SGSM2: variants seen among roughly 807,000 people sequenced by gnomAD.
SGSM2 encodes small G protein signaling modulator 2, also known as RUN and TBC1 domain containing 1.
SGSM2 carries 89 observed loss-of-function variants against 126.6 expected under a neutral mutation model. The ratio of observed to expected loss-of-function variants is 0.70; its 90% CI spans 0.59 to 0.84. SGSM2 has a LOEUF of 0.84. Among genes scored for constraint, SGSM2 ranks in the 40% least tolerant of loss-of-function variants. The pLI, the probability that SGSM2 is intolerant of heterozygous loss-of-function variation, is 0.00. For missense variants in SGSM2, 1,404 were observed against 1,416.6 expected (o/e 0.99, Z 0.14); for synonymous variants, 614 against 574.3 (o/e 1.07, Z -0.99).
chr17:2,361,163 T>C (rs1446550562), intron 2 of SGSM2, among the ~76,000 whole-genome samples: 1 of 152,216 alleles, frequency 6.6e-6, no homozygotes, highest in African/African-American at 2.4e-5. Flanking sequence ...GGCTCATCAG[T>C]CCAGCGGCCA....
At chr17:2,366,035 G>A (rs912329731) in intron 11 of SGSM2, among the ~76,000 whole-genome samples, 15 of 152,122 alleles carry the variant, frequency 9.9e-5, no homozygotes, top group Middle Eastern at 3.2e-3. Context: ...TGACCACTGC[G>A]CCCGGCCCAG....
chr17:2,360,594 C>A (rs959907531), intron 2 of SGSM2, among the ~76,000 whole-genome samples: 2 of 152,236 alleles, frequency 1.3e-5, no homozygotes, highest in Non-Finnish European at 2.9e-5. Flanking sequence ...TCACATCCTC[C>A]GTCTCATGTG....
At chr17:2,351,396 A>T (rs2064846401) in intron 2 of SGSM2, among the ~76,000 whole-genome samples, 1 of 152,162 alleles carries the variant, frequency 6.6e-6, no homozygotes, top group South Asian at 2.1e-4. Flanking sequence ...GTTGGCCCTC[A>T]TGCAGACGAA....
chr17:2,340,714 A>G (rs1250151836), intron 1 of SGSM2, among the ~76,000 whole-genome samples: 1 of 151,652 alleles, frequency 6.6e-6, no homozygotes, highest in African/African-American at 2.4e-5. Flanking sequence ...CCTTCTGAGT[A>G]GCTGGGACTA....
intron 2 of SGSM2, among the ~76,000 whole-genome samples, chr17:2,349,096 C>G (rs2064733217): frequency 6.6e-6 from 1 of 151,732 alleles, no homozygotes; most frequent in African/African-American, 2.4e-5. Context: ...GGAGCATAGG[C>G]CGGGCACAGT....
chr17:2,377,956 A>G lies in SGSM2; in HGVS notation c.2899+3A>G, dbSNP rs755132961. On this transcript the variant is annotated splice_donor_region_variant and intron_variant, in intron 22 of 23. Transcript: ENST00000268989. Reference sequence around the variant, plus strand: ...GTTCCTGCTGGATTTTAAGAGAGGTAAGAAGTGGGTTGGATCATGGGGCTG... The same window carrying G: ...GTTCCTGCTGGATTTTAAGAGAGGTGAGAAGTGGGTTGGATCATGGGGCTG... 2 of 1,590,960 alleles carry G rather than the reference A, an allele frequency of 1.3e-6. No homozygotes were observed. The highest frequency in any genetic ancestry group is 2.2e-5 in the South Asian group (2 of 90,612).
In SGSM2 at chr17:2,365,309, G is replaced by A. The variant is rs758033392; in HGVS notation, c.1256G>A (p.Arg419Gln). The change falls in exon 11 of 24, where the codon CGG becomes CAG. Residue 419 changes from arginine to glutamine, a missense_variant. Physicochemically the swap from Arg to Gln is conservative, Grantham distance 43 (BLOSUM62 1). Coordinates refer to ENST00000268989, the MANE Select transcript of SGSM2 (RefSeq NM_014853.3). The stretch of plus-strand genomic sequence containing the variant: ...GGGCGGGCCACCGACTATGTGTTCC[G>A]GATCATCTACCCCGGCCACAGGCAC... ...GTGRATDYVF[R>Q]IIYPGHRHEH... 7.6e-6 allele frequency: 12 copies of A among 1,579,146 alleles called. No homozygotes were observed. In the Admixed American group the frequency reaches 1.1e-4, roughly 14 times the overall value.
In SGSM2 at chr17:2,362,838, C is replaced by T. The variant is rs1468108602; in HGVS notation, c.459C>T (p.Ser153=). The T allele has an allele frequency of 6.2e-7, 1 of 1,614,020 alleles. No individual in the cohort carries two copies. The highest frequency in any genetic ancestry group is 1.3e-5 in the African/African-American group (1 of 75,068). Reference sequence around the variant, plus strand: ...AGTCACACTGTCTGTCTCCTGGCAGCAAGTACTACGAGAAGGAGGCACTGC... The same window carrying T: ...AGTCACACTGTCTGTCTCCTGGCAGTAAGTACTACGAGAAGGAGGCACTGC... ...KVVQYLAENC[S]KYYEKEALLA... is the part of the protein sequence containing the mutation. The change falls in exon 5 of 24, where the codon AGC becomes AGT. Residue 153 remains serine (S), a splice_region_variant and synonymous_variant. Coordinates refer to ENST00000268989, the MANE Select transcript of SGSM2 (RefSeq NM_014853.3). The surrounding 1 kb of genome is among the most constrained non-coding windows in gnomAD (Gnocchi z 4.9).
rs147929881 is a variant in SGSM2 at position 2,364,617 on chromosome 17, C to T, written c.954C>T (p.Leu318=). The T allele has an allele frequency of 1.4e-4, 231 of 1,614,182 alleles. No individual in the cohort carries two copies. The East Asian group carries it at 4.0e-3, about 28-fold the overall frequency. Residue 318 remains leucine (L), a synonymous_variant, in exon 9 of 24, where the codon CTC becomes CTT. Transcript: ENST00000268989. ...LEKSVYWDYA[L]VVPFSQVVCI... ...CTAGCGTTTACTGGGACTATGCCCT[C>T]GTGGTGCCCTTCAGCCAGGTCGTGT...
chr17:2,373,628 G>A, intron 17 of SGSM2, 115 bp downstream of exon 17: 1 of 890,304 alleles, frequency 1.1e-6, no homozygotes, highest in Non-Finnish European at 1.7e-6. Flanking sequence ...TGCGAGAAAG[G>A]CCTAAGGTGC....
intron 8 of SGSM2, 169 bp downstream of exon 8, chr17:2,364,352 C>A: frequency 2.1e-6 from 2 of 949,762 alleles, no homozygotes; most frequent in Non-Finnish European, 3.1e-6. Context: ...CTCTCTAGGA[C>A]GGAGCCAAGC....
chr17:2,338,064 C>A (rs1388345235), intron 1 of SGSM2, among the ~76,000 whole-genome samples: 1 of 152,022 alleles, frequency 6.6e-6, no homozygotes, highest in East Asian at 1.9e-4. Flanking sequence ...GGATCCGGAG[C>A]TGCCCATTCA....
At chr17:2,345,595 C>CAAAAA (rs1228278801) in intron 2 of SGSM2, among the ~76,000 whole-genome samples, 1 of 84,210 alleles carries the variant, frequency 1.2e-5, no homozygotes. Flanking sequence ...GACTCTGTCT[C>CAAAAA]AAAAAAAAAA....
intron 17 of SGSM2, 101 bp downstream of exon 17, chr17:2,373,614 G>A (rs2065989411): frequency 2.6e-6 from 3 of 1,144,216 alleles, no homozygotes; most frequent in Admixed American, 2.5e-5. Flanking sequence ...AACTGGTGGG[G>A]CCCTGCGAGA....
chr17:2,362,983 C>G lies in SGSM2; in HGVS notation c.527-6C>G. The G allele has an allele frequency of 6.2e-7, 1 of 1,614,074 alleles. No homozygotes were observed. Among genetic ancestry groups the G allele is most frequent in the Non-Finnish European group, 8.5e-7 (1 of 1,180,018 alleles). On this transcript the variant is annotated splice_polypyrimidine_tract_variant and splice_region_variant and intron_variant, in intron 5 of 23. Transcript: ENST00000268989. The surrounding 1 kb of genome is among the most constrained non-coding windows in gnomAD (Gnocchi z 4.9). ...TCGTCTGGGCTGGCTGTCTCTGTCTCCACAGTGGGACCCTGTGCCTTGGAA... is the reference window on the plus strand; with the variant it reads ...TCGTCTGGGCTGGCTGTCTCTGTCTGCACAGTGGGACCCTGTGCCTTGGAA...
intron 12 of SGSM2, among the ~76,000 whole-genome samples, 168 bp from the exon 13 acceptor site, chr17:2,371,094 C>T (rs2065847111): frequency 6.6e-6 from 1 of 152,234 alleles, no homozygotes; most frequent in Non-Finnish European, 1.5e-5. Context: ...GCCCTCTCTC[C>T]CTACCGTTTC....
chr17:2,368,345 A>G (rs1342536073), intron 12 of SGSM2, among the ~76,000 whole-genome samples: 1 of 152,144 alleles, frequency 6.6e-6, no homozygotes, highest in East Asian at 1.9e-4. Context: ...GTGCTCCAGA[A>G]AGGGGTGGGT....
At position 2,337,501 on chromosome 17, in the gene SGSM2, G is replaced by T. The variant is rs2064129315; in HGVS notation, c.-188G>T. 2 of 173,846 alleles carry T rather than the reference G, an allele frequency of 1.2e-5. No homozygotes were observed. Among genetic ancestry groups the T allele is most frequent in the Non-Finnish European group, 2.4e-5 (2 of 84,522 alleles). The allele number at this position is 173,846 out of a possible 1,614,324, so 10.8% of individuals were successfully genotyped here. On this transcript the variant is annotated 5_prime_UTR_variant, in exon 1 of 24. Coordinates refer to ENST00000268989, the MANE Select transcript of SGSM2 (RefSeq NM_014853.3). The surrounding 1 kb of genome is among the most constrained non-coding windows in gnomAD (Gnocchi z 5.1). ...GGGCCGGGCCTGCCGCCTGACGTCT[G>T]TGCGGGGCTCGGAAGATGGCTGCGG...
At chr17:2,376,527 C>A in intron 19 of SGSM2, 2 of 684,788 alleles carry the variant, frequency 2.9e-6, no homozygotes, top group Non-Finnish European at 4.9e-6. Context: ...GCGTGACGGC[C>A]TTGGCTCTCC....
Sources: allele counts gnomAD v4.1 joint callset (sites outside exome capture counted in the v4.1 genomes callset), GRCh38; gene constraint gnomAD v4.1.1; non-coding constraint Gnocchi (gnomAD v3.1); transcripts MANE v1.5; gene names NCBI Gene and HGNC (gene_info 2026-07-23, HGNC 2026-07-21).